TRIP4: variants seen among roughly 807,000 people sequenced by gnomAD.
TRIP4 encodes thyroid hormone receptor interactor 4, also known as activating signal cointegrator 1.
Under a neutral mutation model 81.8 loss-of-function variants are expected in TRIP4, and 54 were observed. That is an observed-to-expected ratio of 0.66 (90% CI 0.53 to 0.83). The LOEUF is 0.83. Among genes scored for constraint, TRIP4 ranks in the 40% least tolerant of loss-of-function variants. The pLI is 0.00. For missense variants in TRIP4, 662 were observed against 683.6 expected (o/e 0.97, Z 0.35); for synonymous variants, 270 against 242.8 (o/e 1.11, Z -1.04).
chr15:64,409,816 A>G lies in TRIP4; in HGVS notation c.1031A>G (p.Glu344Gly). The change falls in exon 7 of 13, where the codon GAG becomes GGG. Residue 344 changes from glutamate to glycine, a missense_variant. Transcript: ENST00000261884. ...CTGGAAGAAGAAAATTCACTAGCAGAGTATCATAGCAGGTAAGTGAGCAGC... is the reference window on the plus strand; with the variant it reads ...CTGGAAGAAGAAAATTCACTAGCAGGGTATCATAGCAGGTAAGTGAGCAGC... ...KILEEENSLA[E>G]YHSRLDETIQ... 6.2e-7 allele frequency: 1 copy of G among 1,614,080 alleles called. No individual in the cohort carries two copies. The highest frequency in any genetic ancestry group is 8.5e-7 in the Non-Finnish European group (1 of 1,180,004).
chr15:64,452,816 A>AT (rs1424061142), intron 12 of TRIP4, among the ~76,000 whole-genome samples: 1 of 152,164 alleles, frequency 6.6e-6, no homozygotes, highest in African/African-American at 2.4e-5. Flanking sequence ...CTTAGAGTTG[A>AT]TAAAAATTGA....
intron 4 of TRIP4, among the ~76,000 whole-genome samples, chr15:64,398,424 CAAAAAA>C (rs745672952): frequency 3.1e-4 from 5 of 16,322 alleles, no homozygotes; most frequent in Admixed American, 7.0e-4. Context: ...CCTGTCTCTA[CAAAAAA>C]AAAAAAAAAA....
intron 9 of TRIP4, among the ~76,000 whole-genome samples, chr15:64,419,175 T>C (rs1046219793): frequency 2.0e-5 from 3 of 152,206 alleles, no homozygotes; most frequent in African/African-American, 7.2e-5. Flanking sequence ...TATTTTCCTG[T>C]CCATATATCT....
chr15:64,390,140 T>G (rs997187724), intron 1 of TRIP4, among the ~76,000 whole-genome samples: 1 of 148,028 alleles, frequency 6.8e-6, no homozygotes, highest in African/African-American at 2.5e-5. Flanking sequence ...TAAATATGTG[T>G]ATTATATTAA....
chr15:64,455,082 T>G lies in TRIP4; in HGVS notation c.*18T>G, dbSNP rs1215981959. ...CTGTCTGACCCAGGAGAAAAGGAAC[T>G]ATACAGCATAGTGGAGTTTTGTGTA... On this transcript the variant is annotated 3_prime_UTR_variant, in exon 13 of 13. Transcript: ENST00000261884. 11 of 1,612,332 alleles carry G rather than the reference T, an allele frequency of 6.8e-6. No homozygotes were observed. The highest frequency in any genetic ancestry group is 1.7e-4 in the Middle Eastern group (1 of 6,054).
intron 3 of TRIP4, 53 bp downstream of exon 3, chr15:64,395,584 C>G: frequency 6.4e-7 from 1 of 1,554,612 alleles, no homozygotes; most frequent in Non-Finnish European, 8.7e-7. Flanking sequence ...GAGGAAGTGA[C>G]TAATACATTT....
chr15:64,434,176 G>T (rs929662269), intron 11 of TRIP4, among the ~76,000 whole-genome samples: 4 of 152,064 alleles, frequency 2.6e-5, no homozygotes, highest in African/African-American at 9.7e-5. Flanking sequence ...GAGGCAGGTG[G>T]ATCACCTGAG....
chr15:64,435,525 C>A (rs1232164537), intron 11 of TRIP4, among the ~76,000 whole-genome samples: 250 of 108,184 alleles, frequency 2.3e-3, no homozygotes, highest in South Asian at 6.0e-3. Flanking sequence ...GACTCTGTCT[C>A]AAAAAAAAAA....
At chr15:64,415,425 C>A (rs1423833181) in intron 8 of TRIP4, among the ~76,000 whole-genome samples, 2 of 152,090 alleles carry the variant, frequency 1.3e-5, no homozygotes, top group Non-Finnish European at 2.9e-5. Context: ...ATTTATTATC[C>A]CATACCTGGA....
chr15:64,415,342 G>A (rs1277634381), intron 8 of TRIP4, among the ~76,000 whole-genome samples: 1 of 152,158 alleles, frequency 6.6e-6, no homozygotes, highest in East Asian at 1.9e-4. Flanking sequence ...TATTGTTATG[G>A]ACTGATAAGT....
Position 64,418,592 on chromosome 15 carries a change from G to C in TRIP4, c.1222G>C (p.Gly408Arg). 6.2e-7 allele frequency: 1 copy of C among 1,613,572 alleles called. No individual in the cohort carries two copies. Among genetic ancestry groups the C allele is most frequent in the South Asian group, 1.1e-5 (1 of 91,050 alleles). Residue 408 changes from glycine to arginine, a missense_variant, in exon 9 of 13, where the codon GGA becomes CGA. Transcript: ENST00000261884. ...ACAGAAGAAGGCTTTCCGTTCTTCA[G>C]GATTTGGACTAGAGTTCAACTCATT... ...ASQKKAFRSS[G>R]FGLEFNSFQH...
chr15:64,450,973 T>G, intron 12 of TRIP4: 1 of 215,042 alleles, frequency 4.7e-6, no homozygotes, highest in Non-Finnish European at 9.9e-6. Context: ...CTGAAATAAA[T>G]AATAATTAAA....
chr15:64,443,168 T>C (rs1487552326), intron 11 of TRIP4, among the ~76,000 whole-genome samples: 1 of 152,160 alleles, frequency 6.6e-6, no homozygotes, highest in Admixed American at 6.6e-5. Flanking sequence ...GATAATCTTT[T>C]GATGAATTTT....
intron 4 of TRIP4, 48 bp from the exon 5 acceptor site, chr15:64,400,695 A>T: frequency 6.9e-7 from 1 of 1,450,604 alleles, no homozygotes; most frequent in Non-Finnish European, 9.7e-7. Context: ...CAAGAAAGCA[A>T]TATAATTTAA....
intron 3 of TRIP4, among the ~76,000 whole-genome samples, chr15:64,396,372 G>A (rs1408349305): frequency 6.8e-6 from 1 of 146,968 alleles, no homozygotes. Context: ...TGCCTCCCTG[G>A]TTCAAACGAT....
intron 12 of TRIP4, among the ~76,000 whole-genome samples, chr15:64,448,720 C>T (rs1052103164): frequency 1.3e-5 from 2 of 152,130 alleles, no homozygotes; most frequent in Admixed American, 1.3e-4. Context: ...CCACCTTGGC[C>T]TCTCTAAAAA....
intron 9 of TRIP4, among the ~76,000 whole-genome samples, chr15:64,420,397 A>T (rs1321059664): frequency 6.6e-6 from 1 of 152,134 alleles, no homozygotes; most frequent in Non-Finnish European, 1.5e-5. Flanking sequence ...CTGGGATTAC[A>T]GGTGTGAGCC....
At chr15:64,409,457 T>C (rs1891710403) in intron 6 of TRIP4, among the ~76,000 whole-genome samples, 156 bp from the exon 7 acceptor site, 1 of 152,156 alleles carries the variant, frequency 6.6e-6, no homozygotes, top group South Asian at 2.1e-4. Flanking sequence ...AGATAAGTTC[T>C]AGGAGCTGAG....
At position 64,447,542 on chromosome 15, in the gene TRIP4, G is replaced by A. The variant is rs534284408; in HGVS notation, c.1678+2434G>A. ...GCTTAGAGTAGGAATTTATATTAAT[G>A]TATATTTACTGCAAAATTCAGGCAA... On this transcript the variant is annotated intron_variant, in intron 12 of 12. Coordinates refer to ENST00000261884, the MANE Select transcript of TRIP4 (RefSeq NM_016213.5). Among the ~76,000 whole-genome samples, 5 of 152,290 alleles carry A rather than the reference G, an allele frequency of 3.3e-5. No individual in the cohort carries two copies. The East Asian group carries it at 7.7e-4, about 23-fold the overall frequency.
Sources: gnomAD v4.1 joint callset for allele counts (sites outside exome capture counted in the v4.1 genomes callset) on GRCh38, gnomAD v4.1.1 for gene constraint, MANE v1.5 for transcripts, NCBI Gene and HGNC (gene_info 2026-07-23, HGNC 2026-07-21) for gene names.